The following SPAG16 variants were observed in gnomAD, a reference collection of about 807,000 sequenced individuals.
The protein encoded by SPAG16 is sperm associated antigen 16, also known as sperm-associated antigen 16 protein.
A neutral mutation model predicts 80.4 loss-of-function variants in SPAG16; 86 were observed. The observed-to-expected ratio is 1.07, with a 90% CI of 0.90 to 1.28. The LOEUF (loss-of-function observed/expected upper bound fraction) is 1.28. Ranked by LOEUF, SPAG16 falls within the 50% of genes most tolerant of loss-of-function variation. The pLI, the probability that SPAG16 is intolerant of heterozygous loss-of-function variation, is 0.00. For missense variants in SPAG16, 870 were observed against 765.3 expected (o/e 1.14, Z -1.61); for synonymous variants, 294 against 265.9 (o/e 1.11, Z -1.03).
chr2:213,288,557 C>T (rs1013896695), intron 1 of SPAG16, among the ~76,000 whole-genome samples: 18 of 149,716 alleles, frequency 1.2e-4, no homozygotes, highest in East Asian at 4.1e-4. Flanking sequence ...GTGATCCATC[C>T]GCCTCAGCCT....
chr2:214,128,710 A>T (rs537492416), intron 14 of SPAG16, among the ~76,000 whole-genome samples: 2 of 151,952 alleles, frequency 1.3e-5, no homozygotes, highest in African/African-American at 4.8e-5. Flanking sequence ...AAATTTTCTC[A>T]TATGTAATAT....
intron 10 of SPAG16, among the ~76,000 whole-genome samples, chr2:213,854,422 A>G (rs1212800819): frequency 6.6e-6 from 1 of 152,218 alleles, no homozygotes; most frequent in Admixed American, 6.5e-5. Flanking sequence ...TTTATACTCA[A>G]ATGCCCTGAT....
At chr2:214,199,756 T>C (rs1467290883) in intron 15 of SPAG16, among the ~76,000 whole-genome samples, 1 of 152,206 alleles carries the variant, frequency 6.6e-6, no homozygotes, top group African/African-American at 2.4e-5. Flanking sequence ...TCTATTTGTT[T>C]GTATCATCTA....
At chr2:214,366,070 C>T (rs1452409324) in intron 15 of SPAG16, among the ~76,000 whole-genome samples, 1 of 151,670 alleles carries the variant, frequency 6.6e-6, no homozygotes, top group Non-Finnish European at 1.5e-5. Context: ...CCTCTGCCTC[C>T]CAAATTCAAG....
chr2:213,378,817 C>A (rs1340796795), intron 9 of SPAG16, among the ~76,000 whole-genome samples: 1 of 152,208 alleles, frequency 6.6e-6, no homozygotes, highest in African/African-American at 2.4e-5. Context: ...GGGCCATATG[C>A]AGTCCTGCCC....
At chr2:214,332,907 G>C (rs10191229) in intron 15 of SPAG16, among the ~76,000 whole-genome samples, 2 of 152,070 alleles carry the variant, frequency 1.3e-5, no homozygotes, top group East Asian at 3.9e-4. Flanking sequence ...ATGGGGATAG[G>C]AGTTCCTTAA....
At chr2:214,177,933 ATGG>A (rs2057161329) in intron 15 of SPAG16, among the ~76,000 whole-genome samples, 3 of 130,874 alleles carry the variant, frequency 2.3e-5, no homozygotes, top group South Asian at 2.4e-4. Flanking sequence ...ATATATATAT[ATGG>A]CCAGAATTGT....
intron 15 of SPAG16, among the ~76,000 whole-genome samples, chr2:214,288,750 C>CA (rs1347336091): frequency 2.8e-5 from 1 of 35,608 alleles, no homozygotes; most frequent in Non-Finnish European, 6.4e-5. Context: ...GTCCTTTGCC[C>CA]ACTTATTTAT....
chr2:214,047,137 C>A (rs1335291445), intron 13 of SPAG16, among the ~76,000 whole-genome samples: 1 of 152,048 alleles, frequency 6.6e-6, no homozygotes, highest in Non-Finnish European at 1.5e-5. Flanking sequence ...TCAATGCAAT[C>A]TTTATAAAAA....
Position 214,292,187 on chromosome 2 carries a change from AT to A in SPAG16, c.1721-117952del, listed in dbSNP as rs201196161. ...GCTGTTTTATATAGTTTTCTCTTTA[AT>A]ACTGACTTTAGATGGTTGGACTATA... On this transcript the variant is annotated intron_variant, in intron 15 of 15. Transcript: ENST00000331683. Among the ~76,000 whole-genome samples, 968 of 152,250 alleles carry A rather than the reference AT, an allele frequency of 6.4e-3. 5 individuals carry two copies. The highest frequency in any genetic ancestry group is 1.0e-2 in the South Asian group (48 of 4,820).
intron 13 of SPAG16, among the ~76,000 whole-genome samples, chr2:214,072,185 T>C (rs993270555): frequency 6.6e-6 from 1 of 152,094 alleles, no homozygotes; most frequent in Admixed American, 6.6e-5. Flanking sequence ...TTTGCACCTG[T>C]TATATGAGAG....
intron 11 of SPAG16, among the ~76,000 whole-genome samples, chr2:213,889,853 C>T (rs907504754): frequency 4.6e-5 from 7 of 151,616 alleles, no homozygotes; most frequent in South Asian, 2.1e-4. Context: ...CTAAATATCT[C>T]GACTTCAACA....
chr2:213,694,700 C>CCCTTCCTT (rs199934008), intron 10 of SPAG16, among the ~76,000 whole-genome samples: 1 of 148,948 alleles, frequency 6.7e-6, no homozygotes, highest in Non-Finnish European at 1.5e-5. Context: ...CATTGACCCA[C>CCCTTCCTT]CCTTCCTTCC....
chr2:213,912,313 GCTTT>G (rs1212760648), intron 11 of SPAG16, among the ~76,000 whole-genome samples: 1 of 151,946 alleles, frequency 6.6e-6, no homozygotes, highest in Non-Finnish European at 1.5e-5. Flanking sequence ...AACATCTTTA[GCTTT>G]CTAAATGGTG....
chr2:213,900,104 A>T (rs2077158408), intron 11 of SPAG16, among the ~76,000 whole-genome samples: 1 of 152,162 alleles, frequency 6.6e-6, no homozygotes, highest in Non-Finnish European at 1.5e-5. Flanking sequence ...TGAACTCAGC[A>T]TCACACTCAC....
At chr2:213,940,800 C>T (rs1404175118) in intron 12 of SPAG16, among the ~76,000 whole-genome samples, 1 of 152,108 alleles carries the variant, frequency 6.6e-6, no homozygotes, top group Admixed American at 6.6e-5. Context: ...TTTTAGTTAA[C>T]AAACACACAT....
intron 5 of SPAG16, among the ~76,000 whole-genome samples, chr2:213,326,695 T>A (rs1374127033): frequency 6.6e-6 from 1 of 151,972 alleles, no homozygotes; most frequent in Non-Finnish European, 1.5e-5. Context: ...TTTTTTCATG[T>A]GAGAAAAATA....
intron 10 of SPAG16, among the ~76,000 whole-genome samples, chr2:213,572,063 T>A (rs1483724939): frequency 4.3e-5 from 5 of 116,654 alleles, no homozygotes; most frequent in Non-Finnish European, 6.6e-5. Context: ...TTCACGTAGT[T>A]CTCGAGCCTT....
chr2:213,790,527 G>T (rs1195984029), intron 10 of SPAG16, among the ~76,000 whole-genome samples: 1 of 151,424 alleles, frequency 6.6e-6, no homozygotes, highest in Non-Finnish European at 1.5e-5. Flanking sequence ...TACCTCTTCT[G>T]TACTTATATT....
Sources: gnomAD v4.1 joint callset for allele counts (sites outside exome capture counted in the v4.1 genomes callset) on GRCh38, gnomAD v4.1.1 for gene constraint, MANE v1.5 for transcripts, NCBI Gene and HGNC (gene_info 2026-07-23, HGNC 2026-07-21) for gene names.